The following ME1 variants were observed in gnomAD, a reference collection of about 807,000 sequenced individuals.
ME1 encodes the protein NADP-dependent malic enzyme.
In ME1, 74 loss-of-function variants were observed where a neutral mutation model predicts 66.4. That is an observed-to-expected ratio of 1.11 (90% confidence interval 0.92 to 1.35). The LOEUF is 1.35. Ranked by LOEUF, ME1 falls within the 40% of genes most tolerant of loss-of-function variation. The probability of loss-of-function intolerance (pLI) is 0.00; values close to 1 mark genes in which losing one functional copy is unlikely to be tolerated. For synonymous variants in ME1, 251 were observed against 235.6 expected, an observed-to-expected ratio of 1.07 and a Z score of -0.60; for missense variants, 750 against 694.1, an observed-to-expected ratio of 1.08 and a Z score of -0.90.
chr6:83,222,351 G>A (rs1180241), intron 12 of ME1, among the ~76,000 whole-genome samples: 40,089 of 152,000 alleles, frequency 0.26, 5,611 homozygotes, highest in Middle Eastern at 0.37. Flanking sequence ...GAATGACACC[G>A]GGTGCTAGCC....
chr6:83,418,443 G>A (rs1228211215), intron 1 of ME1, among the ~76,000 whole-genome samples: 1 of 152,134 alleles, frequency 6.6e-6, no homozygotes, highest in Admixed American at 6.5e-5. Flanking sequence ...GGCAGGAGAA[G>A]TTCCCTCTTA....
chr6:83,362,723 T>C (rs1583401717), intron 3 of ME1, among the ~76,000 whole-genome samples: 1 of 152,338 alleles, frequency 6.6e-6, no homozygotes, highest in East Asian at 1.9e-4. Flanking sequence ...CTCACTGGAA[T>C]AGACACTTAC....
chr6:83,319,167 G>A (rs539135461), intron 5 of ME1, among the ~76,000 whole-genome samples: 4 of 148,970 alleles, frequency 2.7e-5, no homozygotes, highest in African/African-American at 9.9e-5. Context: ...GTCAGGGGAG[G>A]GGGGAGGGAT....
rs1197653491 is a variant in ME1 at position 83,223,854 on chromosome 6, C to T, written c.1355G>A (p.Gly452Asp). 1 of 1,613,838 alleles carries T rather than the reference C, an allele frequency of 6.2e-7. No individual in the cohort carries two copies. The highest frequency in any genetic ancestry group is 1.7e-5 in the Admixed American group (1 of 59,982). The change falls in exon 12 of 14, where the codon GGC becomes GAC. Residue 452 changes from glycine to aspartate, a missense_variant. Physicochemically the swap from Gly to Asp is moderately conservative, Grantham distance 94. Transcript: ENST00000369705. ...PNGQTLYPGQ[G>D]NNSYVFPGVA... is the part of the protein sequence containing the mutation. ...TCCAGGGAACACATAGGAATTGTTGCCTTGGCCAGGATATAGGGTCTGTCC... is the reference window on the plus strand; with the variant it reads ...TCCAGGGAACACATAGGAATTGTTGTCTTGGCCAGGATATAGGGTCTGTCC...
intron 5 of ME1, among the ~76,000 whole-genome samples, chr6:83,320,043 T>C (rs141757738): frequency 8.5e-5 from 13 of 152,334 alleles, no homozygotes; most frequent in African/African-American, 3.1e-4. Context: ...ATGAAACTTT[T>C]GAAATCCTAG....
At chr6:83,233,654 C>A (rs1790342592) in intron 9 of ME1, among the ~76,000 whole-genome samples, 1 of 151,512 alleles carries the variant, frequency 6.6e-6, no homozygotes, top group Non-Finnish European at 1.5e-5. Context: ...GGAGTTTCAC[C>A]AAGAAAATTT....
chr6:83,403,432 C>T (rs566096088), intron 2 of ME1, among the ~76,000 whole-genome samples: 52 of 152,242 alleles, frequency 3.4e-4, no homozygotes, highest in Non-Finnish European at 5.1e-4. Context: ...AGCACATTCT[C>T]GCTGCATCCT....
chr6:83,228,428 G>A (rs1454599625), intron 10 of ME1, among the ~76,000 whole-genome samples: 1 of 152,144 alleles, frequency 6.6e-6, no homozygotes, highest in Non-Finnish European at 1.5e-5. Context: ...TCTGCTAGAT[G>A]TCAGTAGCCC....
chr6:83,261,676 T>G (rs75440137), intron 6 of ME1, among the ~76,000 whole-genome samples: 1 of 151,486 alleles, frequency 6.6e-6, no homozygotes, highest in African/African-American at 2.4e-5. Context: ...AGAAGAAGTG[T>G]TGGGAGTCTG....
rs973160095 is a variant in ME1 at position 83,218,603 on chromosome 6, G to A, written c.1450-2007C>T. On this transcript the variant is annotated intron_variant, in intron 12 of 13. Coordinates refer to ENST00000369705, the MANE Select transcript of ME1 (RefSeq NM_002395.6). ...TCTGCATCCCTGGGGACCTGAAGAA[G>A]TGTAAGGAAGCTAGGCTGAAGCCAG... Among the ~76,000 whole-genome samples the A allele has an allele frequency of 7.2e-5, 11 of 152,348 alleles. No individual in the cohort carries two copies. The South Asian group carries it at 2.3e-3, about 32-fold the overall frequency.
At chr6:83,409,455 C>T (rs1276659469) in intron 1 of ME1, among the ~76,000 whole-genome samples, 2 of 152,206 alleles carry the variant, frequency 1.3e-5, no homozygotes, top group Admixed American at 1.3e-4. Context: ...GTTCATCCCA[C>T]AGGGAGGTGA....
At position 83,353,012 on chromosome 6, in the gene ME1, A is replaced by T. The variant is rs533010546; in HGVS notation, c.363-873T>A. On this transcript the variant is annotated intron_variant, in intron 3 of 13. Transcript: ENST00000369705. Reference sequence around the variant, plus strand: ...ACTATCCTCACTTTTATGGTATCACATCCTTTATAGTTAATTTATTATTTT... The same window carrying T: ...ACTATCCTCACTTTTATGGTATCACTTCCTTTATAGTTAATTTATTATTTT... Among the ~76,000 whole-genome samples, 11 of 152,264 alleles carry T rather than the reference A, an allele frequency of 7.2e-5. No individual in the cohort carries two copies. In the East Asian group the frequency reaches 2.1e-3, roughly 29 times the overall value.
intron 7 of ME1, among the ~76,000 whole-genome samples, chr6:83,243,421 A>G (rs1486826006): frequency 7.9e-6 from 1 of 126,466 alleles, no homozygotes; most frequent in East Asian, 2.0e-4. Context: ...ATTAGATTAT[A>G]TTTATATATT....
At chr6:83,232,665 A>G (rs372566541) in intron 9 of ME1, among the ~76,000 whole-genome samples, 5 of 152,178 alleles carry the variant, frequency 3.3e-5, no homozygotes, top group Non-Finnish European at 7.4e-5. Context: ...ATTAAACCAC[A>G]TTGTATGAAA....
chr6:83,212,282 TGA>T (rs1019483637), intron 13 of ME1, among the ~76,000 whole-genome samples, 188 bp from the exon 14 acceptor site: 4 of 152,034 alleles, frequency 2.6e-5, no homozygotes, highest in African/African-American at 9.7e-5. Context: ...AATCATATAG[TGA>T]GAGAGAAAAA....
At chr6:83,260,955 ATATTCT>A (rs1394236290) in intron 6 of ME1, among the ~76,000 whole-genome samples, 2 of 152,134 alleles carry the variant, frequency 1.3e-5, no homozygotes, top group Non-Finnish European at 2.9e-5. Flanking sequence ...AAAATAATTT[ATATTCT>A]TTTGGGTATA....
intron 7 of ME1, among the ~76,000 whole-genome samples, chr6:83,250,945 T>C (rs1219223284): frequency 6.6e-6 from 1 of 152,208 alleles, no homozygotes. Context: ...GTAAACAATA[T>C]ATAAACAAGT....
intron 6 of ME1, among the ~76,000 whole-genome samples, chr6:83,296,267 G>GA (rs911616113): frequency 8.6e-5 from 13 of 151,130 alleles, no homozygotes; most frequent in Non-Finnish European, 1.2e-4. Context: ...CTCAAAAAAA[G>GA]AAAAAAAAGA....
intron 6 of ME1, among the ~76,000 whole-genome samples, chr6:83,280,787 A>C (rs563469359): frequency 6.6e-6 from 1 of 152,326 alleles, no homozygotes; most frequent in East Asian, 1.9e-4. Flanking sequence ...ATTAGGTATT[A>C]GTTGATATAA....
Sources: allele counts gnomAD v4.1 joint callset (sites outside exome capture counted in the v4.1 genomes callset), GRCh38; gene constraint gnomAD v4.1.1; transcripts MANE v1.5; gene names NCBI Gene and HGNC (gene_info 2026-07-23, HGNC 2026-07-21).